Variants in NFAT5 observed in about 807,000 individuals in gnomAD.
The protein encoded by NFAT5 is nuclear factor of activated T cells 5, also known as nuclear factor of activated T-cells 5.
NFAT5 carries 31 observed loss-of-function variants against 166.5 expected under a neutral mutation model. The observed-to-expected ratio is 0.19, with a 90% CI of 0.14 to 0.25. The LOEUF is 0.25. Ranked by LOEUF, NFAT5 falls within the 10% of genes least tolerant of loss-of-function variation. The pLI is 1.00. For synonymous variants in NFAT5, 612 were observed against 639.7 expected, an observed-to-expected ratio of 0.96 and a Z score of 0.65; for missense variants, 1,449 against 1,821.8, an observed-to-expected ratio of 0.80 and a Z score of 3.72.
At chr16:69,600,917 A>G (rs2033099658) in intron 2 of NFAT5, among the ~76,000 whole-genome samples, 2 of 152,146 alleles carry the variant, frequency 1.3e-5, no homozygotes, top group Non-Finnish European at 2.9e-5. Context: ...AGGATTGGGT[A>G]TGATTAACAG....
At chr16:69,596,085 G>A (rs1318395547) in intron 2 of NFAT5, among the ~76,000 whole-genome samples, 1 of 152,154 alleles carries the variant, frequency 6.6e-6, no homozygotes, top group Non-Finnish European at 1.5e-5. Flanking sequence ...ATGGGTAACT[G>A]AAACCATGGA....
At chr16:69,573,409 A>G (rs1216285922) in intron 2 of NFAT5, among the ~76,000 whole-genome samples, 1 of 152,216 alleles carries the variant, frequency 6.6e-6, no homozygotes, top group African/African-American at 2.4e-5. Flanking sequence ...AATGCCTATA[A>G]TATTTTATGT....
At chr16:69,679,478 G>A (rs1361572626) in intron 10 of NFAT5, among the ~76,000 whole-genome samples, 3 of 151,888 alleles carry the variant, frequency 2.0e-5, no homozygotes, top group African/African-American at 4.8e-5. Context: ...AGCCAGGCGT[G>A]GTGGTGGGCA....
intron 14 of NFAT5, 176 bp downstream of exon 14, chr16:69,695,555 C>G: frequency 1.7e-6 from 1 of 584,768 alleles, no homozygotes; most frequent in Non-Finnish European, 3.0e-6. Flanking sequence ...ATAGTTAATA[C>G]AGACCAGGCC....
chr16:69,610,677 A>G (rs1279606469), intron 2 of NFAT5, among the ~76,000 whole-genome samples: 1 of 152,188 alleles, frequency 6.6e-6, no homozygotes, highest in East Asian at 1.9e-4. Flanking sequence ...ACCTAATTGG[A>G]ACATAATTTC....
At chr16:69,643,556 C>G (rs1276032887) in intron 3 of NFAT5, among the ~76,000 whole-genome samples, 2 of 151,902 alleles carry the variant, frequency 1.3e-5, no homozygotes, top group South Asian at 4.2e-4. Flanking sequence ...CAAATCGTTA[C>G]CTCTAGACTC....
intron 2 of NFAT5, among the ~76,000 whole-genome samples, chr16:69,617,231 C>T (rs1016645866): frequency 6.6e-6 from 1 of 151,976 alleles, no homozygotes; most frequent in African/African-American, 2.4e-5. Context: ...CGTGAGCCAC[C>T]GTGCCCAGCC....
At chr16:69,573,955 C>T (rs2016590036) in intron 2 of NFAT5, among the ~76,000 whole-genome samples, 1 of 148,206 alleles carries the variant, frequency 6.7e-6, no homozygotes, top group Non-Finnish European at 1.5e-5. Flanking sequence ...CTCACCGCAA[C>T]TTCACCTCCA....
chr16:69,693,990 C>A lies in NFAT5; in HGVS notation c.4165C>A (p.Gln1389Lys). The change falls in exon 13 of 15, where the codon CAA becomes AAA. Residue 1389 changes from glutamine to lysine, a missense_variant. Gln to Lys is a moderately conservative substitution (Grantham distance 53, BLOSUM62 1). Around this residue, in one of 7 missense-constraint regions of NFAT5, gnomAD observed 891 missense variants for 993.0 expected, o/e 0.90. Transcript: ENST00000349945. ...AGGGTCACCTAGTTCTCAAGAGCAG[C>A]AAGTAACTCTCTTCTTATCTCCAGC... is the stretch of plus-strand genomic sequence containing the variant. ...VQGSPSSQEQ[Q>K]VTLFLSPASM... 1 of 1,614,190 alleles carries A rather than the reference C, an allele frequency of 6.2e-7. No homozygotes were observed. Among genetic ancestry groups the A allele is most frequent in the Non-Finnish European group, 8.5e-7 (1 of 1,180,020 alleles).
intron 3 of NFAT5, among the ~76,000 whole-genome samples, chr16:69,629,992 A>C (rs1164634922): frequency 6.6e-6 from 1 of 151,118 alleles, no homozygotes; most frequent in Non-Finnish European, 1.5e-5. Flanking sequence ...GCTGGAGTGC[A>C]GCAGTGTGAT....
intron 2 of NFAT5, among the ~76,000 whole-genome samples, chr16:69,608,164 G>A (rs979149350): frequency 6.0e-5 from 9 of 150,900 alleles, no homozygotes; most frequent in African/African-American, 2.0e-4. Flanking sequence ...AGACCAGGCT[G>A]GCCAAGATGG....
chr16:69,623,914 T>A (rs529259676), intron 2 of NFAT5, among the ~76,000 whole-genome samples: 19 of 148,488 alleles, frequency 1.3e-4, no homozygotes, highest in African/African-American at 4.7e-4. Flanking sequence ...CGAAATGCAT[T>A]TATGATTTAT....
chr16:69,618,660 G>A (rs947112977), intron 2 of NFAT5, among the ~76,000 whole-genome samples: 29 of 152,158 alleles, frequency 1.9e-4, no homozygotes, highest in African/African-American at 6.5e-4. Flanking sequence ...AGGTGGAAGA[G>A]TAAGGCATTT....
rs2037766446 is a variant in NFAT5 at position 69,696,351 on chromosome 16, C to T, written c.*9-9C>T. ...TAGTAAGTTAAATTAAACTTTTTCT[C>T]TTTTTTAGAAATTCCACGAAGAAAA... On this transcript the variant is annotated splice_polypyrimidine_tract_variant and intron_variant, in intron 14 of 14. Coordinates refer to ENST00000349945, the MANE Select transcript of NFAT5 (RefSeq NM_138713.4). 6.6e-6 allele frequency: 1 copy of T among 152,378 alleles called. No individual in the cohort carries two copies. Among genetic ancestry groups the T allele is most frequent in the Non-Finnish European group, 1.5e-5 (1 of 67,990 alleles). The allele number at this position is 152,378 out of a possible 1,614,324, so 9.4% of individuals were successfully genotyped here.
chr16:69,572,603 A>T (rs1013839065), intron 2 of NFAT5, among the ~76,000 whole-genome samples: 1 of 152,204 alleles, frequency 6.6e-6, no homozygotes, highest in Non-Finnish European at 1.5e-5. Context: ...ATGAAAAACT[A>T]AGATAGAAAT....
rs1002870930 is a variant in NFAT5 at position 69,635,207 on chromosome 16, C to T, written c.253+8679C>T. On this transcript the variant is annotated intron_variant, in intron 3 of 14. Transcript: ENST00000349945. The stretch of plus-strand genomic sequence containing the variant: ...TGTATTTTTAGTAGAGACAGGGTTT[C>T]ACCACGTTGGCCAGGCTGGTCTTGA... Among the ~76,000 whole-genome samples, 3 of 151,776 alleles carry T rather than the reference C, an allele frequency of 2.0e-5. No individual in the cohort carries two copies. The East Asian group carries it at 5.8e-4, about 29-fold the overall frequency.
Position 69,633,304 on chromosome 16 carries a change from A to G in NFAT5, c.253+6776A>G, listed in dbSNP as rs187387872. ...TCACAGATTCTCATTCATAAGCTAA[A>G]TACTTATAGAAAATAGATACAGTTA... is the stretch of plus-strand genomic sequence containing the variant. On this transcript the variant is annotated intron_variant, in intron 3 of 14. Transcript: ENST00000349945. Among the ~76,000 whole-genome samples the G allele has an allele frequency of 1.1e-4, 16 of 152,330 alleles. 2 individuals carry two copies. Among genetic ancestry groups the G allele is most frequent in the East Asian group, 3.8e-4 (2 of 5,196 alleles).
At position 69,647,345 on chromosome 16, in the gene NFAT5, A is replaced by G. The variant is rs1292181847; in HGVS notation, c.571A>G (p.Ser191Gly). The G allele has an allele frequency of 1.2e-6, 2 of 1,614,192 alleles. No homozygotes were observed. Among genetic ancestry groups the G allele is most frequent in the Admixed American group, 3.3e-5 (2 of 60,008 alleles). ...GCGLESEQSC[S>G]MWMEDSPSNF... ...TGGATTGGAATCTGAGCAGAGCTGC[A>G]GTATGTGGATGGAGGATTCCCCCTC... The change falls in exon 4 of 15, where the codon AGT (serine) becomes GGT (glycine). Residue 191 changes from serine to glycine, a missense_variant. By Grantham distance (56) the Ser-to-Gly change is moderately conservative. Coordinates refer to ENST00000349945, the MANE Select transcript of NFAT5 (RefSeq NM_138713.4). The surrounding 1 kb of genome is among the most constrained non-coding windows in gnomAD (Gnocchi z 4.8).
chr16:69,623,226 T>G (rs1368660834), intron 2 of NFAT5, among the ~76,000 whole-genome samples: 4 of 152,194 alleles, frequency 2.6e-5, no homozygotes, highest in African/African-American at 9.7e-5. Context: ...AGAAAGATAA[T>G]TGTATTACAA....
Sources: gnomAD v4.1 joint callset for allele counts (sites outside exome capture counted in the v4.1 genomes callset) on GRCh38, gnomAD v4.1.1 for gene constraint, gnomAD v4.1.1 regional missense constraint, Gnocchi (gnomAD v3.1) non-coding constraint, MANE v1.5 for transcripts, NCBI Gene and HGNC (gene_info 2026-07-23, HGNC 2026-07-21) for gene names.